The following GAK variants were observed in gnomAD, a reference collection of about 807,000 sequenced individuals.
GAK encodes cyclin G associated kinase, also known as cyclin-G-associated kinase.
A neutral mutation model predicts 143.9 loss-of-function variants in GAK; 79 were observed. That is an observed-to-expected ratio of 0.55 (90% CI 0.46 to 0.66). The LOEUF (loss-of-function observed/expected upper bound fraction) is 0.66, where lower values mean the gene tolerates loss of function less well. Among genes scored for constraint, GAK ranks in the 30% least tolerant of loss-of-function variants. GAK has a pLI of 0.00. For synonymous variants in GAK, 881 were observed against 765.5 expected, an observed-to-expected ratio of 1.15 and a Z score of -2.49; for missense variants, 1,693 against 1,779.7, an observed-to-expected ratio of 0.95 and a Z score of 0.88.
chr4:870,710 C>A lies in GAK; in HGVS notation c.2248+1G>T. On this transcript the variant is annotated splice_donor_variant, in intron 19 of 27. Transcript: ENST00000314167. LOFTEE classifies it high-confidence loss of function. Reference sequence around the variant, plus strand: ...CACCTAATTCACCTGCGGGATCTTACCAAACTTAGACAGAATGTCTTGCTG... The same window carrying A: ...CACCTAATTCACCTGCGGGATCTTAACAAACTTAGACAGAATGTCTTGCTG... 6.2e-7 allele frequency: 1 copy of A among 1,613,480 alleles called. No individual in the cohort carries two copies. The highest frequency in any genetic ancestry group is 8.5e-7 in the Non-Finnish European group (1 of 1,179,826).
intron 24 of GAK, chr4:859,113 T>C: frequency 4.2e-6 from 4 of 962,654 alleles, no homozygotes; most frequent in Non-Finnish European, 4.9e-6. Flanking sequence ...CCAAGGAGAC[T>C]TGAAGCCACA....
chr4:891,743 C>T (rs759926095), intron 9 of GAK, among the ~76,000 whole-genome samples: 19 of 152,206 alleles, frequency 1.2e-4, no homozygotes, highest in African/African-American at 2.6e-4. Flanking sequence ...CTGTGACCTC[C>T]GGGGGAGTGG....
chr4:924,176 CAAAAAAAAAAA>C (rs71640369), intron 1 of GAK, among the ~76,000 whole-genome samples: 2 of 99,878 alleles, frequency 2.0e-5, no homozygotes, highest in African/African-American at 8.1e-5. Flanking sequence ...GACTCCCTCT[CAAAAAAAAAAA>C]AAAAAAAAAA....
chr4:912,020 CCA>C, intron 3 of GAK: 1 of 501,762 alleles, frequency 2.0e-6, no homozygotes, highest in Non-Finnish European at 3.9e-6. Flanking sequence ...GGCACACCGG[CCA>C]CACACACCTG....
intron 24 of GAK, among the ~76,000 whole-genome samples, chr4:856,036 G>C (rs1245634408): frequency 6.6e-6 from 1 of 152,226 alleles, no homozygotes; most frequent in East Asian, 1.9e-4. Context: ...CTGGAGTGCA[G>C]TGATGCAATA....
At chr4:904,149 T>C (rs1321975625) in intron 5 of GAK, among the ~76,000 whole-genome samples, 1 of 152,038 alleles carries the variant, frequency 6.6e-6, no homozygotes, top group Non-Finnish European at 1.5e-5. Flanking sequence ...CTGTGGATGA[T>C]GGGCGGCTCC....
At chr4:876,198 C>CG (rs1713830377) in intron 18 of GAK, among the ~76,000 whole-genome samples, 1 of 152,112 alleles carries the variant, frequency 6.6e-6, no homozygotes, top group African/African-American at 2.4e-5. Flanking sequence ...CTCCAGCCTC[C>CG]GCCTGGCAGG....
At chr4:881,758 C>T (rs1487900022) in intron 15 of GAK, 149 bp downstream of exon 15, 1 of 1,004,290 alleles carries the variant, frequency 1.0e-6, no homozygotes, top group Non-Finnish European at 1.4e-6. Context: ...AAGCCCAGGG[C>T]TCAGCCATGG....
chr4:849,881 G>A lies in GAK; in HGVS notation c.3834+11C>T, dbSNP rs371316529. ...GAAGGCCTCAAGCGGCCGCCTGGCA[G>A]CTCTGCTCACCTTGTCGGGGTGCAC... On this transcript the variant is annotated intron_variant, in intron 27 of 27. Coordinates refer to ENST00000314167, the MANE Select transcript of GAK (RefSeq NM_005255.4). 14 of 1,565,280 alleles carry A rather than the reference G, an allele frequency of 8.9e-6. No individual in the cohort carries two copies. Among genetic ancestry groups the A allele is most frequent in the Admixed American group, 3.6e-5 (2 of 55,794 alleles).
intron 18 of GAK, among the ~76,000 whole-genome samples, chr4:874,524 G>A (rs1269233302): frequency 3.3e-5 from 5 of 152,060 alleles, no homozygotes; most frequent in African/African-American, 7.2e-5. Flanking sequence ...CTTTAGAGAC[G>A]GCGCGCCTCA....
rs780951995 is a variant in GAK, at chr4:917,685, G to A, written c.146-4017C>T. 3.9e-5 allele frequency among the ~76,000 whole-genome samples: 6 copies of A among 152,248 alleles called. 1 individual carries two copies. In the South Asian group the frequency reaches 8.3e-4, roughly 21 times the overall value. On this transcript the variant is annotated intron_variant, in intron 1 of 27. Transcript: ENST00000314167. ...GGAGGAGGGAGACCGTGGCGCTGACGCACATGTTTGCTGCCTTGATTAGCG... is the reference window on the plus strand; with the variant it reads ...GGAGGAGGGAGACCGTGGCGCTGACACACATGTTTGCTGCCTTGATTAGCG...
chr4:924,959 G>A (rs945192231), intron 1 of GAK, among the ~76,000 whole-genome samples: 6 of 152,080 alleles, frequency 3.9e-5, no homozygotes, highest in African/African-American at 1.2e-4. Context: ...ATTGGGTCAT[G>A]GGGGTGGAGT....
chr4:887,105 CCTA>C (rs1358516032), intron 11 of GAK: 1 of 150,960 alleles, frequency 6.6e-6, no homozygotes, highest in East Asian at 2.0e-4. Context: ...GCACAGCACT[CCTA>C]CACACGCTTA....
Position 879,810 on chromosome 4 carries a change from G to A in GAK, c.1662-2001C>T, listed in dbSNP as rs569933832. ...TCCACGTGTGTGTGCCCCTGCCTGA[G>A]GTGGAGGCAGCTCTTGGGTGCTTGT... On this transcript the variant is annotated intron_variant, in intron 15 of 27. Transcript: ENST00000314167. Among the ~76,000 whole-genome samples, 27 of 152,310 alleles carry A rather than the reference G, an allele frequency of 1.8e-4. 1 individual carries two copies. The South Asian group carries it at 5.2e-3, about 29-fold the overall frequency.
In GAK at chr4:870,918, T is replaced by C. The variant is rs370866088; in HGVS notation, c.2055-14A>G. On this transcript the variant is annotated splice_polypyrimidine_tract_variant and intron_variant, in intron 18 of 27. Transcript: ENST00000314167. The stretch of plus-strand genomic sequence containing the variant: ...TCCAGGTCATACCTGCGGTTACAAG[T>C]AGACACCACTTAGGAAGGCCACCCA... 5 of 1,598,798 alleles carry C rather than the reference T, an allele frequency of 3.1e-6. No homozygotes were observed. The highest frequency in any genetic ancestry group is 1.1e-5 in the South Asian group (1 of 89,796).
At chr4:904,306 G>T (rs7689271) in intron 5 of GAK, among the ~76,000 whole-genome samples, 1,173 of 22,938 alleles carry the variant, frequency 0.051, 49 homozygotes, top group Middle Eastern at 0.19. Flanking sequence ...AGGGAGCCAC[G>T]ACCTTGTGGT....
In GAK at chr4:849,630, C is replaced by G. The variant is rs1456261399; in HGVS notation, c.*43G>C. 6.6e-7 allele frequency: 1 copy of G among 1,521,992 alleles called. No homozygotes were observed. Among genetic ancestry groups the G allele is most frequent in the East Asian group, 2.3e-5 (1 of 43,344 alleles). The allele number at this position is 1,521,992 out of a possible 1,614,324, so 94.3% of individuals were successfully genotyped here. Reference sequence around the variant, plus strand: ...TGGGGACCCAGGTCCCACGACGGCTCCCAACCTGTGGAGCTGTGTGCGCAG... The same window carrying G: ...TGGGGACCCAGGTCCCACGACGGCTGCCAACCTGTGGAGCTGTGTGCGCAG... On this transcript the variant is annotated 3_prime_UTR_variant, in exon 28 of 28. Coordinates refer to ENST00000314167, the MANE Select transcript of GAK (RefSeq NM_005255.4).
intron 5 of GAK, among the ~76,000 whole-genome samples, chr4:900,282 C>T (rs376723893): frequency 3.9e-5 from 6 of 152,222 alleles, no homozygotes; most frequent in East Asian, 1.9e-4. Context: ...ACGGGGCAGG[C>T]GAGTGGGGCC....
intron 24 of GAK, among the ~76,000 whole-genome samples, chr4:858,255 G>A (rs944831937): frequency 2.6e-5 from 4 of 152,196 alleles, no homozygotes; most frequent in South Asian, 2.1e-4. Context: ...TGCTGACGTC[G>A]CCAGCTATGA....
Sources: allele counts gnomAD v4.1 joint callset (sites outside exome capture counted in the v4.1 genomes callset), GRCh38; gene constraint gnomAD v4.1.1; transcripts MANE v1.5; gene names NCBI Gene and HGNC (gene_info 2026-07-23, HGNC 2026-07-21).